IGDCC4: variants seen among roughly 807,000 people sequenced by gnomAD.
IGDCC4 encodes immunoglobulin superfamily DCC subclass member 4.
Under a neutral mutation model 116.6 loss-of-function variants are expected in IGDCC4, and 72 were observed. The ratio of observed to expected loss-of-function variants is 0.62; its 90% CI spans 0.51 to 0.75. The LOEUF (loss-of-function observed/expected upper bound fraction) is 0.75, where lower values mean the gene tolerates loss of function less well. Ranked by LOEUF, IGDCC4 falls within the 30% of genes least tolerant of loss-of-function variation. The probability of loss-of-function intolerance (pLI) is 0.00; values close to 1 mark genes in which losing one functional copy is unlikely to be tolerated. For missense variants in IGDCC4, 1,501 were observed against 1,662.4 expected (o/e 0.90, Z 1.69); for synonymous variants, 709 against 719.9 (o/e 0.98, Z 0.24).
intron 3 of IGDCC4, among the ~76,000 whole-genome samples, chr15:65,409,203 G>T (rs2063066774): frequency 6.6e-6 from 1 of 151,892 alleles, no homozygotes. Flanking sequence ...TTTCTACCCC[G>T]AAGTTTCTCC....
intron 17 of IGDCC4, 151 bp from the exon 18 acceptor site, chr15:65,386,210 T>C: frequency 4.8e-6 from 3 of 627,066 alleles, no homozygotes; most frequent in East Asian, 5.5e-5. Context: ...AAAACTGCTA[T>C]TGTTCAAAAC....
chr15:65,408,293 T>TG (rs1327539766), intron 3 of IGDCC4, among the ~76,000 whole-genome samples: 5 of 152,260 alleles, frequency 3.3e-5, no homozygotes, highest in South Asian at 2.1e-4. Flanking sequence ...CTACCCTCTC[T>TG]GGGGGGCATC....
intron 5 of IGDCC4, among the ~76,000 whole-genome samples, chr15:65,398,530 T>A (rs1280802955): frequency 1.9e-5 from 1 of 51,516 alleles, no homozygotes. Context: ...CAAAACTCCA[T>A]CTCAAAAAAA....
chr15:65,388,537 G>T lies in IGDCC4; in HGVS notation c.2757C>A (p.Tyr919Ter). ...CTGTGCGCGCCCCCATCTTGAAGAA[G>T]TACCGAGTGTCGCTCTCCAGGCCAT... Reference protein sequence around the residue: ...EVHGLESDTRYFFKMGARTEV... With the variant: ...EVHGLESDTR The change falls in exon 16 of 20, where the codon TAC (tyrosine) becomes TAA (stop). Residue 919 changes from tyrosine to a stop codon, truncating the protein, a stop_gained. Transcript: ENST00000352385. LOFTEE classifies it high-confidence loss of function. 6.2e-7 allele frequency: 1 copy of T among 1,614,170 alleles called. No homozygotes were observed. Among genetic ancestry groups the T allele is most frequent in the Non-Finnish European group, 8.5e-7 (1 of 1,180,042 alleles).
At chr15:65,386,303 A>G (rs1280574161) in intron 17 of IGDCC4, among the ~76,000 whole-genome samples, 1 of 152,216 alleles carries the variant, frequency 6.6e-6, no homozygotes, top group African/African-American at 2.4e-5. Context: ...AGATGCTGGC[A>G]GCTACAGAGG....
Position 65,392,131 on chromosome 15 carries a change from C to T in IGDCC4, c.2122+3G>A, listed in dbSNP as rs1160879228. 1 of 1,585,278 alleles carries T rather than the reference C, an allele frequency of 6.3e-7. No individual in the cohort carries two copies. Among genetic ancestry groups the T allele is most frequent in the African/African-American group, 1.3e-5 (1 of 74,272 alleles). On this transcript the variant is annotated splice_donor_region_variant and intron_variant, in intron 11 of 19. Coordinates refer to ENST00000352385, the MANE Select transcript of IGDCC4 (RefSeq NM_020962.3). Reference sequence around the variant, plus strand: ...CCCTCCCCCTCCCCCCAGCCCTCCTCACCTAGCTGGGTCAGCTCATACTGC... The same window carrying T: ...CCCTCCCCCTCCCCCCAGCCCTCCTTACCTAGCTGGGTCAGCTCATACTGC...
rs1419900581 is a variant in IGDCC4, at chr15:65,410,258, G to A, written c.483C>T (p.Arg161=). 6 of 1,613,908 alleles carry A rather than the reference G, an allele frequency of 3.7e-6. No homozygotes were observed. The highest frequency in any genetic ancestry group is 5.1e-6 in the Non-Finnish European group (6 of 1,180,026). The change falls in exon 3 of 20, where the codon CGC becomes CGT. Residue 161 remains arginine (R), a synonymous_variant. Transcript: ENST00000352385. ...GCAGCCCTTCAATGTGGCACTCAAA[G>A]CGAGCTGTCCCGTTCTCCTCCACCG... ...SQTVEENGTA[R]FECHIEGLPA... is the part of the protein sequence containing the mutation.
rs1396341914 is a variant in IGDCC4 at position 65,391,881 on chromosome 15, T to G, written c.2223A>C (p.Pro741=). 6.2e-7 allele frequency: 1 copy of G among 1,612,756 alleles called. No homozygotes were observed. The highest frequency in any genetic ancestry group is 8.5e-7 in the Non-Finnish European group (1 of 1,179,420). ...GCCTTCTTCCCCCACCGCCCTCACCTGGTGCCGGCGCCTTCTCCGTCTTGC... is the reference window on the plus strand; with the variant it reads ...GCCTTCTTCCCCCACCGCCCTCACCGGGTGCCGGCGCCTTCTCCGTCTTGC... ...WKGKTEKAPA[P]DMPIQRGPPL... is the part of the protein sequence containing the mutation. Residue 741 remains proline (P), a splice_region_variant and synonymous_variant, in exon 12 of 20, where the codon CCA becomes CCC. Transcript: ENST00000352385.
In IGDCC4 at chr15:65,392,155, G is replaced by C. The variant is rs1184399972; in HGVS notation, c.2101C>G (p.Gln701Glu). Residue 701 changes from glutamine to glutamate, a missense_variant, in exon 11 of 20, where the codon CAG (glutamine) becomes GAG (glutamate). By Grantham distance (29) the Gln-to-Glu change is conservative (BLOSUM62 2). This residue lies in a region of IGDCC4 where 898 missense variants were observed against 978.9 expected (regional missense o/e 0.92). Transcript: ENST00000352385. ...GPVRLKKKVKQYELTQLVPGR... is the reference protein window; with the variant it reads ...GPVRLKKKVKEYELTQLVPGR... ...TCACCTAGCTGGGTCAGCTCATACT[G>C]CTTCACTTTCTTCTTGAGCCGGACA... The C allele has an allele frequency of 1.9e-6, 3 of 1,610,878 alleles. No homozygotes were observed. Among genetic ancestry groups the C allele is most frequent in the Admixed American group, 1.7e-5 (1 of 59,530 alleles).
intron 12 of IGDCC4, among the ~76,000 whole-genome samples, chr15:65,390,894 A>T (rs992410520): frequency 6.6e-6 from 1 of 152,232 alleles, no homozygotes; most frequent in African/African-American, 2.4e-5. Context: ...GGCACTTAGT[A>T]GACACTCAGC....
intron 7 of IGDCC4, 142 bp from the exon 8 acceptor site, chr15:65,395,400 A>C: frequency 8.3e-6 from 7 of 842,332 alleles, no homozygotes; most frequent in Non-Finnish European, 1.0e-5. Flanking sequence ...GGAGTGTATA[A>C]ACTCCCTCAG....
chr15:65,392,549 C>G (rs1457570388), intron 10 of IGDCC4, among the ~76,000 whole-genome samples, 179 bp from the exon 11 acceptor site: 1 of 152,204 alleles, frequency 6.6e-6, no homozygotes, highest in Non-Finnish European at 1.5e-5. Context: ...CTCTAAGTGC[C>G]AGTCCTGGGC....
Position 65,393,406 on chromosome 15 carries a change from G to A in IGDCC4, c.1840C>T (p.Gln614Ter), listed in dbSNP as rs1431596531. 1.2e-6 allele frequency: 2 copies of A among 1,613,464 alleles called. No individual in the cohort carries two copies. Among genetic ancestry groups the A allele is most frequent in the South Asian group, 1.1e-5 (1 of 90,910 alleles). Residue 614 changes from glutamine (Q) to a stop codon, truncating the protein, a stop_gained, in exon 10 of 20, where the codon CAG (glutamine) becomes TAG (stop). Transcript: ENST00000352385. LOFTEE classifies it high-confidence loss of function. This position sits in a 1 kb window ranked among gnomAD's most constrained non-coding sequence, Gnocchi z 4.6. ...CTGGGCGTCCTGTGATGCATCCACT[G>A]GGAGGGGGCCCCGAAGCCGGCTGCT... ...GTAAGFGAPS[Q>*]WMHHRTPSMH... is the part of the protein sequence containing the mutation.
chr15:65,412,785 T>A (rs1001665552), intron 1 of IGDCC4, among the ~76,000 whole-genome samples: 1 of 151,896 alleles, frequency 6.6e-6, no homozygotes, highest in African/African-American at 2.4e-5. Flanking sequence ...AAAATTTTTT[T>A]AATTAGCCAG....
Position 65,422,901 on chromosome 15 carries a change from C to A in IGDCC4, c.-39G>T. On this transcript the variant is annotated 5_prime_UTR_variant, in exon 1 of 20. Transcript: ENST00000352385. ...GGCCGCCGCCGCCGCCGCCGCCTCC[C>A]CGTGCTTCGGCCGCCGCCGCGGGGG... 2.0e-6 allele frequency: 2 copies of A among 1,009,218 alleles called. No individual in the cohort carries two copies. Among genetic ancestry groups the A allele is most frequent in the Non-Finnish European group, 1.2e-6 (1 of 845,334 alleles). The allele number at this position is 1,009,218 out of a possible 1,614,324, so 62.5% of individuals were successfully genotyped here. A position where few individuals can be genotyped will look rare whatever the true frequency, so the allele number is the denominator to read the frequency against.
rs2140183649 is a variant in IGDCC4, at chr15:65,383,383, G to C, written c.*626C>G. The C allele has an allele frequency of 6.6e-6, 1 of 152,550 alleles. No homozygotes were observed. The highest frequency in any genetic ancestry group is 2.1e-4 in the South Asian group (1 of 4,824). 9.4% of individuals were successfully genotyped at this position (152,550 alleles called of 1,614,324 possible). The stretch of plus-strand genomic sequence containing the variant: ...GGGCAAGGAAGGAGGGGAAGAGTGA[G>C]AGAAAGCGGATTTTCAAAACCAGGC... On this transcript the variant is annotated 3_prime_UTR_variant, in exon 20 of 20. Coordinates refer to ENST00000352385, the MANE Select transcript of IGDCC4 (RefSeq NM_020962.3).
intron 1 of IGDCC4, among the ~76,000 whole-genome samples, chr15:65,418,151 G>T (rs2063160841): frequency 1.3e-5 from 2 of 152,190 alleles, no homozygotes; most frequent in Non-Finnish European, 2.9e-5. Flanking sequence ...GGCAAGAAAG[G>T]ATGTCAGGAA....
At position 65,381,564 on chromosome 15, in the gene IGDCC4, A is replaced by G. The variant is rs559770672; in HGVS notation, c.*2445T>C. ...TTAGCTTAACACTAAAGAGTATCAT[A>G]TTTGTAAGGAGAAAAAAAAAACGCT... On this transcript the variant is annotated 3_prime_UTR_variant, in exon 20 of 20. Coordinates refer to ENST00000352385, the MANE Select transcript of IGDCC4 (RefSeq NM_020962.3). The G allele has an allele frequency of 1.6e-5, 1 of 62,660 alleles. No individual in the cohort carries two copies. Among genetic ancestry groups the G allele is most frequent in the South Asian group, 6.8e-4 (1 of 1,480 alleles). 3.9% of individuals were successfully genotyped at this position (62,660 alleles called of 1,614,324 possible). A position where few individuals can be genotyped will look rare whatever the true frequency, so the allele number is the denominator to read the frequency against.
intron 1 of IGDCC4, among the ~76,000 whole-genome samples, chr15:65,416,133 T>A (rs2063140505): frequency 7.1e-6 from 1 of 140,970 alleles, no homozygotes; most frequent in Non-Finnish European, 1.5e-5. Context: ...TAAAATGTTT[T>A]GACTTTTTTT....
Sources: gnomAD v4.1 joint callset for allele counts (sites outside exome capture counted in the v4.1 genomes callset) on GRCh38, gnomAD v4.1.1 for gene constraint, gnomAD v4.1.1 regional missense constraint, Gnocchi (gnomAD v3.1) non-coding constraint, MANE v1.5 for transcripts, NCBI Gene and HGNC (gene_info 2026-07-23, HGNC 2026-07-21) for gene names.